DDAH1: variants seen among roughly 807,000 people sequenced by gnomAD.
DDAH1 encodes N(G),N(G)-dimethylarginine dimethylaminohydrolase 1.
Under a neutral mutation model 28.8 loss-of-function variants are expected in DDAH1, and 19 were observed. The observed-to-expected ratio is 0.66, with a 90% CI of 0.46 to 0.97. The LOEUF is 0.97. Among genes scored for constraint, DDAH1 ranks in the 50% least tolerant of loss-of-function variants. The pLI, the probability that DDAH1 is intolerant of heterozygous loss-of-function variation, is 0.00. For synonymous variants in DDAH1, 153 were observed against 154.4 expected (o/e 0.99, Z 0.07); for missense variants, 326 against 375.9 (o/e 0.87, Z 1.10).
At chr1:85,504,654 G>A (rs145277737) in intron 1 of DDAH1, among the ~76,000 whole-genome samples, 34 of 152,276 alleles carry the variant, frequency 2.2e-4, no homozygotes, top group African/African-American at 7.7e-4. Flanking sequence ...CACTGAGACA[G>A]TGATTATCAT....
At chr1:85,358,605 C>T (rs934898025) in intron 2 of DDAH1, 143 bp downstream of exon 2, 28 of 596,270 alleles carry the variant, frequency 4.7e-5, no homozygotes, top group Middle Eastern at 4.6e-4. Flanking sequence ...GCCAAGATGG[C>T]GCCACTGCAC....
chr1:85,471,386 T>A (rs1434920509), intron 2 of DDAH1, among the ~76,000 whole-genome samples: 1 of 152,238 alleles, frequency 6.6e-6, no homozygotes, highest in Admixed American at 6.5e-5. Flanking sequence ...TTATTAAACA[T>A]GCTCTTCAGA....
At chr1:85,339,046 CAA>C (rs67167548) in intron 4 of DDAH1, among the ~76,000 whole-genome samples, 177 of 138,502 alleles carry the variant, frequency 1.3e-3, no homozygotes, top group African/African-American at 4.3e-3. Flanking sequence ...GACTCCGTCT[CAA>C]AAAAAAAAAA....
chr1:85,323,271 T>C (rs1661427509), intron 5 of DDAH1, among the ~76,000 whole-genome samples: 1 of 152,176 alleles, frequency 6.6e-6, no homozygotes, highest in Non-Finnish European at 1.5e-5. Flanking sequence ...TACTAAAGGC[T>C]CTTCTGTAAT....
At chr1:85,327,099 T>C (rs1445483461) in intron 4 of DDAH1, among the ~76,000 whole-genome samples, 2 of 152,206 alleles carry the variant, frequency 1.3e-5, no homozygotes, top group Admixed American at 6.5e-5. Flanking sequence ...CCATTTATTA[T>C]TGTGTGCAAG....
At chr1:85,353,921 G>A (rs1649359954) in intron 2 of DDAH1, among the ~76,000 whole-genome samples, 1 of 152,028 alleles carries the variant, frequency 6.6e-6, no homozygotes, top group Non-Finnish European at 1.5e-5. Context: ...AAGGTGTTCG[G>A]AGCGTGATGT....
intron 1 of DDAH1, among the ~76,000 whole-genome samples, chr1:85,520,515 A>G (rs1208027967): frequency 1.7e-4 from 26 of 152,366 alleles, no homozygotes; most frequent in African/African-American, 5.0e-4. Context: ...TGTACATGAA[A>G]TGTTTAAGAA....
chr1:85,325,384 G>T (rs1647319305), intron 4 of DDAH1, among the ~76,000 whole-genome samples: 1 of 152,074 alleles, frequency 6.6e-6, no homozygotes, highest in African/African-American at 2.4e-5. Context: ...CACACGCTTT[G>T]CTCTTCCACA....
intron 1 of DDAH1, among the ~76,000 whole-genome samples, chr1:85,401,223 T>C (rs1652088191): frequency 6.6e-6 from 1 of 152,208 alleles, no homozygotes; most frequent in Non-Finnish European, 1.5e-5. Context: ...CGATCCTTTT[T>C]TCCAACAGGT....
intron 1 of DDAH1, among the ~76,000 whole-genome samples, chr1:85,563,614 A>G (rs1253673983): frequency 6.6e-6 from 1 of 152,246 alleles, no homozygotes; most frequent in Admixed American, 6.5e-5. Flanking sequence ...CCGACAAGGT[A>G]GAATTCACAA....
At chr1:85,353,247 G>GA (rs1331881717) in intron 2 of DDAH1, among the ~76,000 whole-genome samples, 2 of 152,056 alleles carry the variant, frequency 1.3e-5, no homozygotes, top group African/African-American at 4.8e-5. Context: ...ATAAATGTGG[G>GA]AACTCTCATC....
At chr1:85,494,896 G>A (rs1444050354) in intron 2 of DDAH1, 1 of 152,144 alleles carries the variant, frequency 6.6e-6, no homozygotes, top group Non-Finnish European at 1.5e-5. Flanking sequence ...GTCATACAAA[G>A]GCACATCATG....
chr1:85,429,178 C>G (rs889372781), intron 1 of DDAH1, among the ~76,000 whole-genome samples: 144 of 151,844 alleles, frequency 9.5e-4, no homozygotes, highest in African/African-American at 3.0e-3. Context: ...CTCCCACCCC[C>G]CAGCAGGCCC....
At chr1:85,485,828 T>C (rs2100722266) in intron 2 of DDAH1, among the ~76,000 whole-genome samples, 1 of 152,318 alleles carries the variant, frequency 6.6e-6, no homozygotes, top group Middle Eastern at 3.4e-3. Flanking sequence ...GGTTCAAGCA[T>C]TTATTTTGTC....
At chr1:85,570,740 A>ATC (rs1659432173) in intron 1 of DDAH1, among the ~76,000 whole-genome samples, 1 of 152,222 alleles carries the variant, frequency 6.6e-6, no homozygotes, top group South Asian at 2.1e-4. Flanking sequence ...CGTGATGGCA[A>ATC]TGATCCCATT....
At chr1:85,465,563 C>T (rs557445847), upstream of DDAH1, among the ~76,000 whole-genome samples, 24 of 152,286 alleles carry the variant, frequency 1.6e-4, no homozygotes, top group African/African-American at 5.5e-4. Context: ...AAGTCTAGCC[C>T]ACTTTTGAAG....
chr1:85,464,608 ACACT>A lies in DDAH1; in HGVS notation c.303+131_303+134del. 2 of 1,512,120 alleles carry A rather than the reference ACACT, an allele frequency of 1.3e-6. No homozygotes were observed. Among genetic ancestry groups the A allele is most frequent in the Non-Finnish European group, 8.8e-7 (1 of 1,133,102 alleles). 93.7% of individuals were successfully genotyped at this position (1,512,120 alleles called of 1,614,324 possible). On this transcript the variant is annotated intron_variant, in intron 1 of 5. Coordinates refer to ENST00000284031, the MANE Select transcript of DDAH1 (RefSeq NM_012137.4). This position sits in a 1 kb window ranked among gnomAD's most constrained non-coding sequence, Gnocchi z 4.4. Reference sequence around the variant, plus strand: ...CTCTCTGACACACACACACACACACACACTCGCCCCCCGACGGGAAGTTGTGAAC... The same window carrying A: ...CTCTCTGACACACACACACACACACACGCCCCCCGACGGGAAGTTGTGAAC...
At chr1:85,505,547 A>G (rs1656984796) in intron 1 of DDAH1, among the ~76,000 whole-genome samples, 3 of 152,214 alleles carry the variant, frequency 2.0e-5, no homozygotes, top group Admixed American at 1.3e-4. Context: ...CGAGGAGAGA[A>G]GGTGATTTGA....
chr1:85,407,884 T>A (rs1453352013), intron 1 of DDAH1, among the ~76,000 whole-genome samples: 1 of 152,220 alleles, frequency 6.6e-6, no homozygotes, highest in African/African-American at 2.4e-5. Flanking sequence ...CTCGGCTCTT[T>A]TGGTTACATC....
Sources: allele counts gnomAD v4.1 joint callset (sites outside exome capture counted in the v4.1 genomes callset), GRCh38; gene constraint gnomAD v4.1.1; non-coding constraint Gnocchi (gnomAD v3.1); transcripts MANE v1.5; gene names NCBI Gene and HGNC (gene_info 2026-07-23, HGNC 2026-07-21).